Variants in GPRIN3 observed in about 807,000 individuals in gnomAD.
GPRIN3 encodes the protein G protein-regulated inducer of neurite outgrowth 3.
Under a neutral mutation model 13.7 loss-of-function variants are expected in GPRIN3, and 12 were observed. The observed-to-expected ratio is 0.87, with a 90% CI of 0.56 to 1.42. The LOEUF is 1.42. Among genes scored for constraint, GPRIN3 ranks in the 40% most tolerant of loss-of-function variants. The pLI is 0.00. For missense variants in GPRIN3, 1,009 were observed against 958.7 expected (o/e 1.05, Z -0.69); for synonymous variants, 377 against 372.7 (o/e 1.01, Z -0.13).
At chr4:89,288,007 G>A (rs1233655553) in intron 1 of GPRIN3, among the ~76,000 whole-genome samples, 14 of 152,130 alleles carry the variant, frequency 9.2e-5, no homozygotes, top group Non-Finnish European at 1.8e-4. Flanking sequence ...TTTCTTGGGA[G>A]CGCTCATGAT....
In GPRIN3 at chr4:89,240,415, G is replaced by C. The variant is rs192707945; in HGVS notation, c.*7365C>G. Reference sequence around the variant, plus strand: ...GTAGGCATAGTTTTGCTGAGCTCAAGAGAAGAATGCCTGTGATCATATCCA... The same window carrying C: ...GTAGGCATAGTTTTGCTGAGCTCAACAGAAGAATGCCTGTGATCATATCCA... On this transcript the variant is annotated 3_prime_UTR_variant, in exon 2 of 2. Transcript: ENST00000609438. 3 of 152,208 alleles carry C rather than the reference G, an allele frequency of 2.0e-5. No homozygotes were observed. The East Asian group carries it at 5.8e-4, about 29-fold the overall frequency. 9.4% of individuals were successfully genotyped at this position (152,208 alleles called of 1,614,324 possible).
intron 1 of GPRIN3, among the ~76,000 whole-genome samples, chr4:89,288,003 G>A (rs1724468161): frequency 6.6e-6 from 1 of 152,126 alleles, no homozygotes; most frequent in Non-Finnish European, 1.5e-5. Flanking sequence ...CAATTTTCTT[G>A]GGAGCGCTCA....
At chr4:89,305,571 T>C (rs1725011383) in intron 1 of GPRIN3, among the ~76,000 whole-genome samples, 1 of 152,222 alleles carries the variant, frequency 6.6e-6, no homozygotes, top group African/African-American at 2.4e-5. Flanking sequence ...GCTAGAATCA[T>C]GTGTCCTCCT....
chr4:89,284,860 C>A (rs1385143453), intron 1 of GPRIN3, among the ~76,000 whole-genome samples: 1 of 152,158 alleles, frequency 6.6e-6, no homozygotes, highest in Admixed American at 6.5e-5. Flanking sequence ...GAGAATGAGA[C>A]CATCAGGCTA....
chr4:89,251,144 T>C (rs528406301), intron 1 of GPRIN3: 1 of 151,934 alleles, frequency 6.6e-6, no homozygotes, highest in South Asian at 2.1e-4. Flanking sequence ...ATTGAAAAAA[T>C]GGATAACAAA....
intron 1 of GPRIN3, among the ~76,000 whole-genome samples, chr4:89,267,575 G>A (rs1723814360): frequency 6.6e-6 from 1 of 152,174 alleles, no homozygotes; most frequent in Non-Finnish European, 1.5e-5. Flanking sequence ...ACCTTTTCTA[G>A]GAGTTGCTTA....
Position 89,242,139 on chromosome 4 carries a change from T to C in GPRIN3, c.*5641A>G, listed in dbSNP as rs560287736. 6.6e-6 allele frequency: 1 copy of C among 152,296 alleles called. No individual in the cohort carries two copies. Among genetic ancestry groups the C allele is most frequent in the Admixed American group, 6.5e-5 (1 of 15,302 alleles). 9.4% of individuals were successfully genotyped at this position (152,296 alleles called of 1,614,324 possible). On this transcript the variant is annotated 3_prime_UTR_variant, in exon 2 of 2. Transcript: ENST00000609438. ...CAATATCCTTTTCTAAAGTGTAAAATATGTGATTTTTATTCCTACTATTTT... is the reference window on the plus strand; with the variant it reads ...CAATATCCTTTTCTAAAGTGTAAAACATGTGATTTTTATTCCTACTATTTT...
rs148183709 is a variant in GPRIN3, at chr4:89,274,852, C to G, written c.-123-24619G>C. Among the ~76,000 whole-genome samples, 4 of 152,236 alleles carry G rather than the reference C, an allele frequency of 2.6e-5. No homozygotes were observed. In the East Asian group the frequency reaches 7.7e-4, roughly 29 times the overall value. On this transcript the variant is annotated intron_variant, in intron 1 of 1. Transcript: ENST00000609438. ...ATTTGTCAGCAATTGTCTCCCAACC[C>G]CTTGTCTTTCCAGTGTTGCCTGCCT...
intron 1 of GPRIN3, among the ~76,000 whole-genome samples, chr4:89,275,065 G>A (rs1351922897): frequency 6.6e-6 from 1 of 152,096 alleles, no homozygotes; most frequent in Non-Finnish European, 1.5e-5. Flanking sequence ...GTGCCCAGAA[G>A]AGCTTCAGCC....
At chr4:89,281,141 T>TA (rs1369747055) in intron 1 of GPRIN3, among the ~76,000 whole-genome samples, 1 of 151,702 alleles carries the variant, frequency 6.6e-6, no homozygotes, top group Non-Finnish European at 1.5e-5. Context: ...TTTTTTTTTT[T>TA]AGATAGAGTC....
At chr4:89,261,681 G>A (rs576773170) in intron 1 of GPRIN3, among the ~76,000 whole-genome samples, 25 of 152,180 alleles carry the variant, frequency 1.6e-4, no homozygotes, top group Middle Eastern at 6.8e-3. Flanking sequence ...ATATGCACAA[G>A]GTTTTTCACT....
At position 89,240,164 on chromosome 4, in the gene GPRIN3, T is replaced by C. The variant is rs1401227199; in HGVS notation, c.*7616A>G. The C allele has an allele frequency of 6.6e-6, 1 of 152,176 alleles. No homozygotes were observed. Among genetic ancestry groups the C allele is most frequent in the Non-Finnish European group, 1.5e-5 (1 of 68,024 alleles). 9.4% of individuals were successfully genotyped at this position (152,176 alleles called of 1,614,324 possible). ...ATAAGCTGACAAATCTTGTTCAGAG[T>C]TGACACTTGCCAGCTAATGATTCTA... On this transcript the variant is annotated 3_prime_UTR_variant, in exon 2 of 2. Coordinates refer to ENST00000609438, the MANE Select transcript of GPRIN3 (RefSeq NM_198281.3).
In GPRIN3 at chr4:89,241,352, G is replaced by A. The variant is rs1722941183; in HGVS notation, c.*6428C>T. The A allele has an allele frequency of 1.3e-5, 2 of 152,008 alleles. No individual in the cohort carries two copies. Among genetic ancestry groups the A allele is most frequent in the Non-Finnish European group, 2.9e-5 (2 of 67,980 alleles). 9.4% of individuals were successfully genotyped at this position (152,008 alleles called of 1,614,324 possible). ...TGAATACAGAAATTGGCCTTTAAAT[G>A]GGATACGACAAGTTATTTTTTTTAC... is the stretch of plus-strand genomic sequence containing the variant. On this transcript the variant is annotated 3_prime_UTR_variant, in exon 2 of 2. Coordinates refer to ENST00000609438, the MANE Select transcript of GPRIN3 (RefSeq NM_198281.3).
At chr4:89,293,494 G>A (rs750544712) in intron 1 of GPRIN3, among the ~76,000 whole-genome samples, 4 of 152,214 alleles carry the variant, frequency 2.6e-5, no homozygotes, top group Non-Finnish European at 4.4e-5. Context: ...CCAGGCTGCC[G>A]GACATTTGGC....
intron 1 of GPRIN3, among the ~76,000 whole-genome samples, chr4:89,269,167 A>AT (rs559038033): frequency 6.6e-6 from 1 of 152,216 alleles, no homozygotes; most frequent in Non-Finnish European, 1.5e-5. Context: ...ACAATGTTTA[A>AT]TACTCTGGTA....
intron 1 of GPRIN3, among the ~76,000 whole-genome samples, chr4:89,254,151 G>GT (rs1553949825): frequency 2.8e-5 from 4 of 140,640 alleles, no homozygotes; most frequent in Admixed American, 7.0e-5. Flanking sequence ...GTGTGTGTGT[G>GT]GAGTGTGTGT....
At chr4:89,273,629 T>G (rs1724018700) in intron 1 of GPRIN3, among the ~76,000 whole-genome samples, 1 of 152,220 alleles carries the variant, frequency 6.6e-6, no homozygotes. Flanking sequence ...GAGGTTGCAG[T>G]GAGCCAAGAT....
chr4:89,301,047 C>T (rs1265015729), intron 1 of GPRIN3, among the ~76,000 whole-genome samples: 2 of 152,032 alleles, frequency 1.3e-5, no homozygotes, highest in Non-Finnish European at 2.9e-5. Context: ...AAGAATCATG[C>T]TATGTATAAA....
At chr4:89,284,626 G>A (rs1300213425) in intron 1 of GPRIN3, among the ~76,000 whole-genome samples, 1 of 152,146 alleles carries the variant, frequency 6.6e-6, no homozygotes, top group Non-Finnish European at 1.5e-5. Flanking sequence ...TCACCACCAG[G>A]TCTACCTTCC....
Sources: allele counts gnomAD v4.1 joint callset (sites outside exome capture counted in the v4.1 genomes callset), GRCh38; gene constraint gnomAD v4.1.1; transcripts MANE v1.5; gene names NCBI Gene and HGNC (gene_info 2026-07-23, HGNC 2026-07-21).